MYO16: variants seen among roughly 807,000 people sequenced by gnomAD.
MYO16 encodes the protein unconventional myosin-XVI.
MYO16 carries 94 observed loss-of-function variants against 205.3 expected under a neutral mutation model. The ratio of observed to expected loss-of-function variants is 0.46; its 90% CI spans 0.39 to 0.54. The LOEUF is 0.54. Among genes scored for constraint, MYO16 ranks in the 20% least tolerant of loss-of-function variants. The probability of loss-of-function intolerance (pLI) is 0.00; values close to 1 mark genes in which losing one functional copy is unlikely to be tolerated. For synonymous variants in MYO16, 988 were observed against 954.0 expected (o/e 1.04, Z -0.66); for missense variants, 2,315 against 2,387.5 (o/e 0.97, Z 0.63).
intron 28 of MYO16, among the ~76,000 whole-genome samples, chr13:109,112,349 A>G (rs974411871): frequency 2.0e-5 from 3 of 152,244 alleles, no homozygotes; most frequent in African/African-American, 7.2e-5. Context: ...ATCCTATATC[A>G]GAGGTGATGG....
chr13:108,573,522 A>G, the MYO16 span, among the ~76,000 whole-genome samples: 1 of 152,126 alleles, frequency 6.6e-6, no homozygotes, highest in African/African-American at 2.4e-5. Context: ...TGCATAGCAA[A>G]ATTATCATGG....
intron 15 of MYO16, among the ~76,000 whole-genome samples, chr13:108,904,120 A>G (rs1314113096): frequency 2.0e-5 from 3 of 152,206 alleles, no homozygotes; most frequent in Non-Finnish European, 4.4e-5. Context: ...ATAGTATAAA[A>G]AATACCAGGC....
chr13:108,496,073 G>A, the MYO16 span, among the ~76,000 whole-genome samples: 1 of 152,168 alleles, frequency 6.6e-6, no homozygotes, highest in East Asian at 1.9e-4. Context: ...TCGGACTTGC[G>A]GCGCTGGGTC....
At chr13:109,021,894 C>T (rs533815669) in intron 23 of MYO16, among the ~76,000 whole-genome samples, 9 of 151,656 alleles carry the variant, frequency 5.9e-5, no homozygotes, top group African/African-American at 1.5e-4. Flanking sequence ...ATATTGGTAT[C>T]ATAGAAACCA....
Position 109,028,074 on chromosome 13 carries a change from T to C in MYO16, c.2796+8163T>C, listed in dbSNP as rs536364306. On this transcript the variant is annotated intron_variant, in intron 23 of 34. Transcript: ENST00000457511. ...AGTCATGTTAGAATGTGTATTTTTA[T>C]ATACATGCGGTTACTGGTATCACTT... Among the ~76,000 whole-genome samples the C allele has an allele frequency of 2.0e-5, 3 of 152,230 alleles. No individual in the cohort carries two copies. In the South Asian group the frequency reaches 6.2e-4, roughly 32 times the overall value.
At chr13:108,646,416 G>A (rs944982622) in intron 1 of MYO16, among the ~76,000 whole-genome samples, 14 of 152,154 alleles carry the variant, frequency 9.2e-5, no homozygotes, top group African/African-American at 2.9e-4. Flanking sequence ...GTATTAAAGG[G>A]TAGTAATCAA....
At chr13:108,920,080 T>C (rs546154180) in intron 16 of MYO16, among the ~76,000 whole-genome samples, 1 of 152,214 alleles carries the variant, frequency 6.6e-6, no homozygotes, top group African/African-American at 2.4e-5. Context: ...GAAGGGGCTG[T>C]GAACTGTGTA....
At chr13:108,716,989 A>G (rs1411954506) in intron 3 of MYO16, among the ~76,000 whole-genome samples, 1 of 152,206 alleles carries the variant, frequency 6.6e-6, no homozygotes, top group East Asian at 1.9e-4. Context: ...CAGAAGGGGA[A>G]TAATTGCAAA....
chr13:108,657,254 T>C (rs1033822974), intron 1 of MYO16, among the ~76,000 whole-genome samples: 2 of 152,350 alleles, frequency 1.3e-5, no homozygotes, highest in African/African-American at 4.8e-5. Context: ...TGTGTTTGTG[T>C]AGAGCTTTTG....
At chr13:109,028,582 T>TA (rs1229447051) in intron 23 of MYO16, among the ~76,000 whole-genome samples, 4 of 151,674 alleles carry the variant, frequency 2.6e-5, no homozygotes. Flanking sequence ...CTTATAAAAT[T>TA]AAAACATTCT....
At chr13:108,803,734 G>T (rs955002134) in intron 6 of MYO16, among the ~76,000 whole-genome samples, 1 of 152,078 alleles carries the variant, frequency 6.6e-6, no homozygotes, top group African/African-American at 2.4e-5. Context: ...CTAAGACTTG[G>T]TGATGGTTTT....
the MYO16 span, among the ~76,000 whole-genome samples, chr13:108,557,683 A>G: frequency 1.3e-5 from 2 of 152,302 alleles, no homozygotes; most frequent in Admixed American, 1.3e-4. Flanking sequence ...TGGTATGTGT[A>G]TTATAAAACC....
chr13:108,925,198 G>A (rs1881938384), intron 16 of MYO16, among the ~76,000 whole-genome samples: 1 of 152,082 alleles, frequency 6.6e-6, no homozygotes, highest in Non-Finnish European at 1.5e-5. Context: ...TCTCTCTGTG[G>A]GCATCCTTTA....
At chr13:109,047,577 T>C (rs1205293831) in intron 24 of MYO16, among the ~76,000 whole-genome samples, 4 of 152,172 alleles carry the variant, frequency 2.6e-5, no homozygotes, top group Non-Finnish European at 4.4e-5. Context: ...AAAATGTATA[T>C]ATGTGATAAT....
At chr13:108,781,728 T>C (rs1471252399) in intron 4 of MYO16, among the ~76,000 whole-genome samples, 1 of 152,116 alleles carries the variant, frequency 6.6e-6, no homozygotes, top group East Asian at 1.9e-4. Flanking sequence ...AATTCCCACT[T>C]CTTGTGGGAG....
chr13:108,625,347 G>T (rs367834993), upstream of MYO16, among the ~76,000 whole-genome samples: 2 of 152,208 alleles, frequency 1.3e-5, no homozygotes, highest in Non-Finnish European at 2.9e-5. Context: ...AGGATGTTCA[G>T]TCATTCAAGG....
chr13:108,978,777 T>G (rs1884357266), intron 20 of MYO16, among the ~76,000 whole-genome samples: 3 of 152,058 alleles, frequency 2.0e-5, no homozygotes, highest in Non-Finnish European at 4.4e-5. Context: ...ATGAAGATCA[T>G]ATACTCCTTT....
chr13:108,948,928 G>A (rs895297941), intron 16 of MYO16, among the ~76,000 whole-genome samples: 2 of 152,152 alleles, frequency 1.3e-5, no homozygotes, highest in Non-Finnish European at 2.9e-5. Flanking sequence ...TTTTGGCTAT[G>A]TTATGGACTC....
intron 9 of MYO16, among the ~76,000 whole-genome samples, chr13:108,841,645 C>T (rs1216257305): frequency 2.0e-5 from 3 of 151,988 alleles, no homozygotes; most frequent in Non-Finnish European, 4.4e-5. Flanking sequence ...GAGTTGGATA[C>T]AGAATATATA....
Sources: gnomAD v4.1 joint callset for allele counts (sites outside exome capture counted in the v4.1 genomes callset) on GRCh38, gnomAD v4.1.1 for gene constraint, MANE v1.5 for transcripts, NCBI Gene and HGNC (gene_info 2026-07-23, HGNC 2026-07-21) for gene names.